The following GOLM1 variants were observed in gnomAD, a reference collection of about 807,000 sequenced individuals.
GOLM1 encodes golgi membrane protein 1.
GOLM1 carries 31 observed loss-of-function variants against 50.5 expected under a neutral mutation model. The ratio of observed to expected loss-of-function variants is 0.61; its 90% confidence interval spans 0.46 to 0.83. GOLM1 has a LOEUF of 0.83. GOLM1 is among the 40% of genes least tolerant of loss of function. The pLI is 0.00. For missense variants in GOLM1, 491 were observed against 501.3 expected (o/e 0.98, Z 0.20); for synonymous variants, 178 against 192.8 (o/e 0.92, Z 0.64).
intron 3 of GOLM1, among the ~76,000 whole-genome samples, chr9:86,062,914 T>C (rs75156169): frequency 0.017 from 2,602 of 152,262 alleles, 52 homozygotes; most frequent in African/African-American, 0.054. Flanking sequence ...AGCGCCTGTC[T>C]TCTTAGTCCC....
intron 3 of GOLM1, among the ~76,000 whole-genome samples, chr9:86,054,877 C>G (rs142581396): frequency 1.3e-5 from 2 of 152,216 alleles, no homozygotes; most frequent in African/African-American, 4.8e-5. Flanking sequence ...GGCCACAATG[C>G]AAACATTTCT....
At chr9:86,029,414 CTT>C (rs934961673) in intron 9 of GOLM1, among the ~76,000 whole-genome samples, 4 of 152,306 alleles carry the variant, frequency 2.6e-5, no homozygotes, top group African/African-American at 9.6e-5. Context: ...TCAGACAGCT[CTT>C]GTGACTCCAA....
chr9:86,091,661 CA>C (rs1192075735), intron 1 of GOLM1, among the ~76,000 whole-genome samples: 8 of 152,200 alleles, frequency 5.3e-5, no homozygotes, highest in African/African-American at 1.7e-4. Flanking sequence ...TGGACCTAAG[CA>C]ATCCTCACAC....
chr9:86,068,447 C>T (rs6559897), intron 3 of GOLM1, among the ~76,000 whole-genome samples: 54,560 of 152,194 alleles, frequency 0.36, 12,650 homozygotes, highest in African/African-American at 0.65. Context: ...AGGATGCTAA[C>T]TCTCAAAACC....
chr9:86,052,544 C>A lies in GOLM1; in HGVS notation c.357G>T (p.Val119=). 1.2e-6 allele frequency: 2 copies of A among 1,613,748 alleles called. No individual in the cohort carries two copies. Among genetic ancestry groups the A allele is most frequent in the South Asian group, 2.2e-5 (2 of 91,086 alleles). Residue 119 remains valine, a synonymous_variant, in exon 4 of 10, where the codon GTG becomes GTT. Coordinates refer to ENST00000388712, the MANE Select transcript of GOLM1 (RefSeq NM_016548.4). ...GGAGCGAGCGGAACTTACCTTGCAG[C>A]ACTCGGATGAGCCTCTCACCTGTGG... ...NITTGERLIR[V]LQDQLKTLQR...
intron 1 of GOLM1, chr9:86,079,855 T>G (rs1428437690): frequency 3.3e-5 from 5 of 151,506 alleles, no homozygotes; most frequent in Non-Finnish European, 7.4e-5. Context: ...ACAAGGGAGG[T>G]TTTTTTTACC....
At chr9:86,053,629 CT>C (rs1833877303) in intron 3 of GOLM1, among the ~76,000 whole-genome samples, 9 of 78,628 alleles carry the variant, frequency 1.1e-4, no homozygotes, top group Non-Finnish European at 2.4e-4. Context: ...CCAAACATCA[CT>C]ACAAAACACA....
intron 3 of GOLM1, among the ~76,000 whole-genome samples, chr9:86,059,545 G>T (rs1834091996): frequency 6.6e-6 from 1 of 152,140 alleles, no homozygotes; most frequent in Non-Finnish European, 1.5e-5. Flanking sequence ...AGGGGCTAGG[G>T]GAAGAGGGAA....
intron 3 of GOLM1, among the ~76,000 whole-genome samples, chr9:86,076,189 C>T (rs780681597): frequency 7.2e-5 from 11 of 151,844 alleles, no homozygotes; most frequent in Admixed American, 1.3e-4. Flanking sequence ...GAGGCCAAGA[C>T]GGGTACATCA....
chr9:86,058,988 A>G (rs1834072212), intron 3 of GOLM1, among the ~76,000 whole-genome samples: 2 of 152,082 alleles, frequency 1.3e-5, no homozygotes, highest in South Asian at 4.1e-4. Context: ...ATAGAGTGAG[A>G]CTCTGTCTCA....
In GOLM1 at chr9:86,077,400, A is replaced by G; in HGVS notation, c.309+12T>C. The G allele has an allele frequency of 6.2e-7, 1 of 1,609,496 alleles. No homozygotes were observed. The highest frequency in any genetic ancestry group is 8.5e-7 in the Non-Finnish European group (1 of 1,175,736). On this transcript the variant is annotated intron_variant, in intron 3 of 9. Coordinates refer to ENST00000388712, the MANE Select transcript of GOLM1 (RefSeq NM_016548.4). ...TTAGAAAAGAACTGAGAGGAAACAA[A>G]GCAGGCCTTGCCTTTTCGTCCTGGT...
At chr9:86,090,308 C>G (rs1358612092) in intron 1 of GOLM1, among the ~76,000 whole-genome samples, 1 of 152,166 alleles carries the variant, frequency 6.6e-6, no homozygotes, top group Non-Finnish European at 1.5e-5. Context: ...TCAGAGCTGG[C>G]AGGCAGGAAC....
At chr9:86,034,205 C>T (rs949697001) in intron 8 of GOLM1, among the ~76,000 whole-genome samples, 5 of 152,068 alleles carry the variant, frequency 3.3e-5, no homozygotes, top group African/African-American at 4.8e-5. Context: ...CCTCATGATC[C>T]GCCCACCTCG....
rs748587394 is a variant in GOLM1, at chr9:86,059,588, CT to C, written c.310-6998del. On this transcript the variant is annotated intron_variant, in intron 3 of 9. Transcript: ENST00000388712. ...GTGATTGCTTAATGGGTACACATTT[CT>C]TTGTGGGGTGATAAAAATGTTCTGG... Among the ~76,000 whole-genome samples, 142 of 152,034 alleles carry C rather than the reference CT, an allele frequency of 9.3e-4. 1 individual carries two copies. Among genetic ancestry groups the C allele is most frequent in the Non-Finnish European group, 3.2e-4 (22 of 67,990 alleles).
chr9:86,029,900 G>GGA (rs771375347), intron 9 of GOLM1, among the ~76,000 whole-genome samples: 9 of 152,002 alleles, frequency 5.9e-5, no homozygotes, highest in Middle Eastern at 3.2e-3. Context: ...TCATTTAGTA[G>GGA]GAAACTAGGC....
chr9:86,036,802 A>G (rs894566949), intron 6 of GOLM1: 26 of 381,694 alleles, frequency 6.8e-5, no homozygotes, highest in Non-Finnish European at 1.1e-4. Context: ...CGGAAGATCA[A>G]CAACAAAAAA....
At chr9:86,032,527 T>C (rs1409129161) in intron 9 of GOLM1, among the ~76,000 whole-genome samples, 3 of 151,920 alleles carry the variant, frequency 2.0e-5, no homozygotes, top group African/African-American at 7.3e-5. Context: ...AACAAACAAG[T>C]GTGTTGGAGG....
At chr9:86,046,041 T>G (rs1833527803) in intron 5 of GOLM1, among the ~76,000 whole-genome samples, 1 of 152,206 alleles carries the variant, frequency 6.6e-6, no homozygotes, top group Non-Finnish European at 1.5e-5. Flanking sequence ...ATTCTCACTG[T>G]AAAAATTGGG....
chr9:86,070,810 T>C (rs996377595), intron 3 of GOLM1, among the ~76,000 whole-genome samples: 1 of 151,984 alleles, frequency 6.6e-6, no homozygotes, highest in East Asian at 1.9e-4. Flanking sequence ...AAAACTTAGA[T>C]TGCAAGAAAT....
Sources: allele counts gnomAD v4.1 joint callset (sites outside exome capture counted in the v4.1 genomes callset), GRCh38; gene constraint gnomAD v4.1.1; transcripts MANE v1.5; gene names NCBI Gene and HGNC (gene_info 2026-07-23, HGNC 2026-07-21).